Variants in FGL1 observed in about 807,000 individuals in gnomAD.
The protein encoded by FGL1 is fibrinogen-like protein 1.
FGL1 carries 59 observed loss-of-function variants against 43.7 expected under a neutral mutation model. The ratio of observed to expected loss-of-function variants is 1.35; its 90% confidence interval spans 1.10 to 1.68. The LOEUF (loss-of-function observed/expected upper bound fraction) is 1.68, where lower values mean the gene tolerates loss of function less well. Ranked by LOEUF, FGL1 falls within the 40% of genes most tolerant of loss-of-function variation. FGL1 has a pLI of 0.00. For synonymous variants in FGL1, 192 were observed against 126.5 expected (o/e 1.52, Z -3.48); for missense variants, 596 against 373.0 (o/e 1.60, Z -4.92).
intron 4 of FGL1, 57 bp downstream of exon 4, chr8:17,874,305 A>G (rs2053410080): frequency 1.3e-6 from 2 of 1,552,758 alleles, no homozygotes; most frequent in Non-Finnish European, 1.8e-6. Flanking sequence ...AAAATATTTG[A>G]CTTATAAATC....
rs1026914519 is a variant in FGL1 at position 17,885,396 on chromosome 8, C to A, written c.63+96G>T. Reference sequence around the variant, plus strand: ...CTTTTCCCACATAGTTAAGTTTTTTCAATGACAAGTCACTATAGGTTTAAT... The same window carrying A: ...CTTTTCCCACATAGTTAAGTTTTTTAAATGACAAGTCACTATAGGTTTAAT... On this transcript the variant is annotated intron_variant, in intron 2 of 7. Coordinates refer to ENST00000427924, the MANE Select transcript of FGL1 (RefSeq NM_004467.4). 20 of 1,052,302 alleles carry A rather than the reference C, an allele frequency of 1.9e-5. No homozygotes were observed. The South Asian group carries it at 2.8e-4, about 15-fold the overall frequency. The allele number at this position is 1,052,302 out of a possible 1,614,324, so 65.2% of individuals were successfully genotyped here.
intron 5 of FGL1, among the ~76,000 whole-genome samples, chr8:17,873,777 G>A (rs2053400817): frequency 6.7e-6 from 1 of 149,536 alleles, no homozygotes; most frequent in Non-Finnish European, 1.5e-5. Context: ...AATATATTTA[G>A]ATATTTCTCA....
Position 17,874,439 on chromosome 8 carries a change from A to G in FGL1, c.327T>C (p.Ser109=), listed in dbSNP as rs141492464. The G allele has an allele frequency of 1.2e-6, 2 of 1,614,156 alleles. No homozygotes were observed. The highest frequency in any genetic ancestry group is 1.7e-6 in the Non-Finnish European group (2 of 1,179,980). The change falls in exon 4 of 8, where the codon TCT becomes TCC. Residue 109 remains serine, a synonymous_variant. Transcript: ENST00000427924. The part of the protein sequence containing the change: ...IKPLQSPAEF[S]VYCDMSDGGG... ...CTCCATCGGACATGTCACAATAAAC[A>G]GAAAATTCTGCTGGGCTCTGGAGAG...
In FGL1 at chr8:17,884,437, C is replaced by T. The variant is rs111685178; in HGVS notation, c.63+1055G>A. 1.8e-3 allele frequency among the ~76,000 whole-genome samples: 280 copies of T among 152,236 alleles called. 1 individual carries two copies. Among genetic ancestry groups the T allele is most frequent in the African/African-American group, 6.6e-3 (274 of 41,538 alleles). ...CTCAAACTTCTGGCTTCAAGCGATC[C>T]ACCCACCTCGGCCCCTCAAAGTGCT... On this transcript the variant is annotated intron_variant, in intron 2 of 7. Transcript: ENST00000427924.
At chr8:17,866,716 T>C (rs1469702475) in intron 7 of FGL1, among the ~76,000 whole-genome samples, 1 of 152,238 alleles carries the variant, frequency 6.6e-6, no homozygotes, top group Non-Finnish European at 1.5e-5. Flanking sequence ...TTCATTCAGA[T>C]GCCTTAGAAG....
chr8:17,875,496 T>C (rs187152987), intron 3 of FGL1, among the ~76,000 whole-genome samples: 450 of 7,836 alleles, frequency 0.057, 17 homozygotes, highest in African/African-American at 0.1. Flanking sequence ...TCTTTCTTTC[T>C]TTCTTTCTTT....
intron 3 of FGL1, among the ~76,000 whole-genome samples, chr8:17,878,915 CA>C (rs1477997403): frequency 1.4e-5 from 2 of 148,040 alleles, no homozygotes; most frequent in African/African-American, 2.5e-5. Context: ...ATATATAAAA[CA>C]CTATACTTTA....
intron 7 of FGL1, among the ~76,000 whole-genome samples, chr8:17,867,927 C>T (rs1467595396): frequency 1.3e-5 from 2 of 152,224 alleles, no homozygotes; most frequent in East Asian, 1.9e-4. Flanking sequence ...AAAATTAGCC[C>T]ATGTACCCCA....
chr8:17,874,376 A>G lies in FGL1; in HGVS notation c.390T>C (p.Ser130=), dbSNP rs372364435. The change falls in exon 4 of 8, where the codon AGT becomes AGC. Residue 130 remains serine, a synonymous_variant. Transcript: ENST00000427924. ...AATTAGCACACCTGTTAAAGTTTTC[A>G]CTGCCATCAGATCGTCTCTGAATTA... The part of the protein sequence containing the change: ...WTVIQRRSDG[S]ENFNRGWKDY... 16 of 1,612,588 alleles carry G rather than the reference A, an allele frequency of 9.9e-6. No individual in the cohort carries two copies. The highest frequency in any genetic ancestry group is 1.3e-5 in the African/African-American group (1 of 74,836).
intron 1 of FGL1, among the ~76,000 whole-genome samples, chr8:17,887,094 G>T (rs1300050955): frequency 6.6e-6 from 1 of 152,132 alleles, no homozygotes; most frequent in Admixed American, 6.6e-5. Flanking sequence ...GAGGGGAGGA[G>T]AGAGACCCTG....
rs765692505 is a variant in FGL1 at position 17,868,957 on chromosome 8, G to A, written c.550C>T (p.Arg184Cys). The A allele has an allele frequency of 2.8e-5, 45 of 1,602,962 alleles. No homozygotes were observed. Among genetic ancestry groups the A allele is most frequent in the South Asian group, 7.9e-5 (7 of 88,142 alleles). ...IDLADFEKNSRYAQYKNFKVG... is the reference protein window; with the variant it reads ...IDLADFEKNSCYAQYKNFKVG... The stretch of plus-strand genomic sequence containing the variant: ...TTGAAATTCTTATATTGTGCATAAC[G>A]GCTATTTTTTTCAAAATCTGCAAGG... The change falls in exon 6 of 8, where the codon CGT (arginine) becomes TGT (cysteine). Residue 184 changes from arginine to cysteine, a missense_variant. By Grantham distance (180) the Arg-to-Cys change is radical (BLOSUM62 -3). Coordinates refer to ENST00000427924, the MANE Select transcript of FGL1 (RefSeq NM_004467.4).
In FGL1 at chr8:17,875,589, C is replaced by G. The variant is rs866387226; in HGVS notation, c.245-1068G>C. Among the ~76,000 whole-genome samples, 31 of 132,306 alleles carry G rather than the reference C, an allele frequency of 2.3e-4. 2 individuals are homozygous for G. Among genetic ancestry groups the G allele is most frequent in the Non-Finnish European group, 2.2e-4 (14 of 63,678 alleles). The allele number at this position is 132,306 out of a possible 152,430, so 86.8% of individuals were successfully genotyped here. A position where few individuals can be genotyped will look rare whatever the true frequency, so the allele number is the denominator to read the frequency against. On this transcript the variant is annotated intron_variant, in intron 3 of 7. Coordinates refer to ENST00000427924, the MANE Select transcript of FGL1 (RefSeq NM_004467.4). ...TCTTTCTTTCTTTCTTTCTTTCTTT[C>G]TTTCTTTCTTTCTTTCTTTCTTTCT...
chr8:17,879,173 T>C (rs145622968), intron 3 of FGL1, among the ~76,000 whole-genome samples: 91 of 151,980 alleles, frequency 6.0e-4, no homozygotes, highest in African/African-American at 2.0e-3. Flanking sequence ...GTCTTATTAT[T>C]ATAACAGTAT....
At chr8:17,882,242 A>C (rs746182433) in intron 2 of FGL1, 63 bp from the exon 3 acceptor site, 35 of 1,430,800 alleles carry the variant, frequency 2.4e-5, no homozygotes, top group Non-Finnish European at 3.3e-5. Context: ...AGTGCTTTTT[A>C]AACATTTGGA....
chr8:17,891,322 A>G (rs913540770), intron 1 of FGL1: 1 of 152,186 alleles, frequency 6.6e-6, no homozygotes, highest in East Asian at 1.9e-4. Flanking sequence ...GCTCTAAGAG[A>G]AAATCCTTTC....
At chr8:17,870,002 T>C (rs940399527) in intron 5 of FGL1, among the ~76,000 whole-genome samples, 1 of 151,932 alleles carries the variant, frequency 6.6e-6, no homozygotes, top group African/African-American at 2.4e-5. Flanking sequence ...CCCAGCTACT[T>C]GGGAGGCTGA....
At chr8:17,869,054 C>A (rs368295325) in intron 5 of FGL1, 50 bp from the exon 6 acceptor site, 1 of 1,073,500 alleles carries the variant, frequency 9.3e-7, no homozygotes, top group East Asian at 2.4e-5. Context: ...TGACATGACA[C>A]GGACTACTGC....
At chr8:17,869,936 C>A (rs999582314) in intron 5 of FGL1, among the ~76,000 whole-genome samples, 1 of 151,992 alleles carries the variant, frequency 6.6e-6, no homozygotes, top group Non-Finnish European at 1.5e-5. Flanking sequence ...TGTGAAACCC[C>A]GTCTCTACTA....
chr8:17,886,991 T>C (rs1229382623), intron 1 of FGL1, among the ~76,000 whole-genome samples: 1 of 152,158 alleles, frequency 6.6e-6, no homozygotes, highest in Non-Finnish European at 1.5e-5. Flanking sequence ...GCCAGGTGAA[T>C]GCTGCTTCTC....
Sources: allele counts gnomAD v4.1 joint callset (sites outside exome capture counted in the v4.1 genomes callset), GRCh38; gene constraint gnomAD v4.1.1; transcripts MANE v1.5; gene names NCBI Gene and HGNC (gene_info 2026-07-23, HGNC 2026-07-21).